Variants in HERC5 observed in about 807,000 individuals in gnomAD.
The protein encoded by HERC5 is HECT and RLD domain containing E3 ubiquitin protein ligase 5.
A neutral mutation model predicts 119.6 loss-of-function variants in HERC5; 99 were observed. That is an observed-to-expected ratio of 0.83 (90% CI 0.70 to 0.98). HERC5 has a LOEUF of 0.98. HERC5 is among the 50% of genes least tolerant of loss of function. The pLI, the probability that HERC5 is intolerant of heterozygous loss-of-function variation, is 0.00. For missense variants in HERC5, 1,267 were observed against 1,241.3 expected, an observed-to-expected ratio of 1.02 and a Z score of -0.31; for synonymous variants, 478 against 445.9, an observed-to-expected ratio of 1.07 and a Z score of -0.91.
chr4:88,463,749 A>G, intron 5 of HERC5, 106 bp from the exon 6 acceptor site: 2 of 1,414,412 alleles, frequency 1.4e-6, no homozygotes, highest in African/African-American at 1.4e-5. Flanking sequence ...GATATTTAGG[A>G]GCTTTACTTT....
rs1487173106 is a variant in HERC5 at position 88,497,672 on chromosome 4, A to G, written c.2445-2254A>G. Among the ~76,000 whole-genome samples, 6 of 152,240 alleles carry G rather than the reference A, an allele frequency of 3.9e-5. No homozygotes were observed. In the East Asian group the frequency reaches 1.2e-3, roughly 29 times the overall value. Reference sequence around the variant, plus strand: ...TCATTAGAAAAAAAGCCAAACTTAAAGATTTGGAAATTCTCAGGCTGGCCA... The same window carrying G: ...TCATTAGAAAAAAAGCCAAACTTAAGGATTTGGAAATTCTCAGGCTGGCCA... On this transcript the variant is annotated intron_variant, in intron 18 of 22. Transcript: ENST00000264350.
At chr4:88,483,897 A>G (rs187664765) in intron 13 of HERC5, among the ~76,000 whole-genome samples, 1 of 152,314 alleles carries the variant, frequency 6.6e-6, no homozygotes, top group East Asian at 1.9e-4. Flanking sequence ...AAATTGTTCC[A>G]CATTTTAAAT....
chr4:88,477,973 CATT>C (rs1741142907), intron 12 of HERC5, among the ~76,000 whole-genome samples: 1 of 152,272 alleles, frequency 6.6e-6, no homozygotes, highest in African/African-American at 2.4e-5. Flanking sequence ...ATTTTTAACA[CATT>C]ATACTATTTC....
chr4:88,457,856 C>T, intron 1 of HERC5: 3 of 993,948 alleles, frequency 3.0e-6, no homozygotes, highest in South Asian at 5.0e-5. Flanking sequence ...TTTGTACCCC[C>T]GTCCCCCGCC....
intron 13 of HERC5, 108 bp from the exon 14 acceptor site, chr4:88,486,007 A>G (rs1044203055): frequency 5.4e-6 from 3 of 552,380 alleles, no homozygotes; most frequent in Non-Finnish European, 9.5e-6. Context: ...TATTCTGGTC[A>G]TTATAAGAGT....
intron 18 of HERC5, among the ~76,000 whole-genome samples, chr4:88,497,096 A>C (rs918156815): frequency 2.6e-5 from 4 of 152,150 alleles, no homozygotes; most frequent in African/African-American, 9.7e-5. Flanking sequence ...GTGAGCAATA[A>C]ATTTCTATTT....
At chr4:88,484,540 A>G (rs909007012) in intron 13 of HERC5, among the ~76,000 whole-genome samples, 20 of 152,198 alleles carry the variant, frequency 1.3e-4, no homozygotes, top group African/African-American at 4.1e-4. Flanking sequence ...TACAGATCCT[A>G]TAGGGGATAA....
chr4:88,500,808 C>CATTTT, intron 19 of HERC5, 107 bp from the exon 20 acceptor site: 1 of 826,500 alleles, frequency 1.2e-6, no homozygotes. Flanking sequence ...CAAAAATGTA[C>CATTTT]ATTTTAACAC....
intron 13 of HERC5, among the ~76,000 whole-genome samples, chr4:88,482,071 G>A (rs1015797203): frequency 5.9e-5 from 9 of 152,044 alleles, no homozygotes; most frequent in Non-Finnish European, 1.2e-4. Context: ...CACTTTGCTC[G>A]GAGGCTGAGG....
intron 15 of HERC5, among the ~76,000 whole-genome samples, chr4:88,487,930 A>G (rs1741519734): frequency 6.6e-6 from 1 of 152,190 alleles, no homozygotes; most frequent in Non-Finnish European, 1.5e-5. Flanking sequence ...TATTATTATC[A>G]CTTTTACATA....
chr4:88,457,655 G>C, intron 1 of HERC5, 121 bp downstream of exon 1: 1 of 1,071,746 alleles, frequency 9.3e-7, no homozygotes, highest in Non-Finnish European at 1.2e-6. Context: ...CCGCAGACGC[G>C]CGCCTGGCTC....
intron 12 of HERC5, among the ~76,000 whole-genome samples, chr4:88,477,129 G>A (rs531083222): frequency 1.2e-3 from 166 of 141,762 alleles, no homozygotes; most frequent in African/African-American, 4.2e-3. Flanking sequence ...GGCCAACATG[G>A]TGAAACTTCA....
Position 88,469,212 on chromosome 4 carries a change from A to G in HERC5, c.1190A>G (p.Lys397Arg), listed in dbSNP as rs1740780222. Residue 397 changes from lysine to arginine, a missense_variant, in exon 9 of 23, where the codon AAG becomes AGG. Coordinates refer to ENST00000264350, the MANE Select transcript of HERC5 (RefSeq NM_016323.4). ...TIPTLNEGTV[K>R]RWIADVETKR... The stretch of plus-strand genomic sequence containing the variant: ...CCTACTCTGAATGAAGGGACTGTAA[A>G]GAGATGGATTGCTGATGTGGAGACT... The G allele has an allele frequency of 1.2e-6, 2 of 1,613,584 alleles. No homozygotes were observed.
At chr4:88,457,607 G>T (rs1254945041) in intron 1 of HERC5, 73 bp downstream of exon 1, 1 of 1,213,868 alleles carries the variant, frequency 8.2e-7, no homozygotes, top group Non-Finnish European at 1.0e-6. Context: ...GGGGCGGGCA[G>T]CCGGGGGTCC....
At chr4:88,470,239 A>G (rs1740823984) in intron 9 of HERC5, among the ~76,000 whole-genome samples, 1 of 152,144 alleles carries the variant, frequency 6.6e-6, no homozygotes, top group South Asian at 2.1e-4. Flanking sequence ...CCCCCATTTA[A>G]TTTCTGGTAA....
chr4:88,484,561 A>G (rs961890891), intron 13 of HERC5, among the ~76,000 whole-genome samples: 1 of 152,210 alleles, frequency 6.6e-6, no homozygotes, highest in Non-Finnish European at 1.5e-5. Flanking sequence ...TTTTTCCCCA[A>G]CTCAGCACCA....
chr4:88,472,312 A>G lies in HERC5; in HGVS notation c.1299-97A>G, dbSNP rs1740902599. The G allele has an allele frequency of 2.0e-5, 14 of 716,504 alleles. No homozygotes were observed. In the South Asian group the frequency reaches 2.5e-4, roughly 13 times the overall value. 44.4% of individuals were successfully genotyped at this position (716,504 alleles called of 1,614,324 possible). ...ATTTATTATAGTTACACACTTGAGA[A>G]AAAAGGTAATTTTGTTGAAATGGGG... On this transcript the variant is annotated intron_variant, in intron 10 of 22. Transcript: ENST00000264350.
chr4:88,457,573 A>G, intron 1 of HERC5, 39 bp downstream of exon 1: 1 of 1,234,580 alleles, frequency 8.1e-7, no homozygotes, highest in Admixed American at 4.2e-5. Context: ...GAGGGCTGTG[A>G]GGGGTGAGGG....
rs982057015 is a variant in HERC5, at chr4:88,457,934, T to G, written c.265+400T>G. The G allele has an allele frequency of 1.6e-5, 16 of 1,007,038 alleles. No individual in the cohort carries two copies. The East Asian group carries it at 1.3e-3, about 79-fold the overall frequency. The allele number at this position is 1,007,038 out of a possible 1,614,324, so 62.4% of individuals were successfully genotyped here. Reference sequence around the variant, plus strand: ...CTCCAACTTTGGGAGTCGTTCTCAGTGATGGGATTTTACCTTGGCCTTCAG... The same window carrying G: ...CTCCAACTTTGGGAGTCGTTCTCAGGGATGGGATTTTACCTTGGCCTTCAG... On this transcript the variant is annotated intron_variant, in intron 1 of 22. Transcript: ENST00000264350.
Sources: gnomAD v4.1 joint callset for allele counts (sites outside exome capture counted in the v4.1 genomes callset) on GRCh38, gnomAD v4.1.1 for gene constraint, MANE v1.5 for transcripts, NCBI Gene and HGNC (gene_info 2026-07-23, HGNC 2026-07-21) for gene names.